RNF213: variants seen among roughly 807,000 people sequenced by gnomAD.
RNF213 encodes E3 ubiquitin-protein ligase RNF213.
A neutral mutation model predicts 514.4 loss-of-function variants in RNF213; 341 were observed. The observed-to-expected ratio is 0.66, with a 90% confidence interval of 0.61 to 0.73. RNF213 has a LOEUF of 0.73. Ranked by LOEUF, RNF213 falls within the 30% of genes least tolerant of loss-of-function variation. The pLI is 0.00. For synonymous variants in RNF213, 2,655 were observed against 2,658.2 expected (o/e 1.00, Z 0.04); for missense variants, 5,767 against 6,615.6 (o/e 0.87, Z 4.45).
chr17:80,280,137 G>C (rs983825545), intron 3 of RNF213, among the ~76,000 whole-genome samples: 2 of 152,224 alleles, frequency 1.3e-5, no homozygotes, highest in African/African-American at 2.4e-5. Flanking sequence ...TGCAGCTCCT[G>C]GGAAATGCAG....
rs368229784 is a variant in RNF213 at position 80,372,712 on chromosome 17, C to G, written c.12729C>G (p.Leu4243=). The part of the protein sequence containing the change: ...RLCLDRAADF[L]SEPEGGPEMA... ...GCCTCGACAGAGCTGCAGATTTCCTCTCGGAGCCTGAGGGAGGCCCAGGCA... is the reference window on the plus strand; with the variant it reads ...GCCTCGACAGAGCTGCAGATTTCCTGTCGGAGCCTGAGGGAGGCCCAGGCA... The change falls in exon 48 of 68, where the codon CTC becomes CTG. Residue 4243 remains leucine (L), a synonymous_variant. Transcript: ENST00000582970. The G allele has an allele frequency of 8.7e-6, 14 of 1,613,602 alleles. No homozygotes were observed. Among genetic ancestry groups the G allele is most frequent in the Non-Finnish European group, 1.2e-5 (14 of 1,180,042 alleles).
At chr17:80,387,209 G>GATCCTCTCAC (rs1568171569) in intron 63 of RNF213, among the ~76,000 whole-genome samples, 1 of 152,222 alleles carries the variant, frequency 6.6e-6, no homozygotes, top group Non-Finnish European at 1.5e-5. Context: ...GGGCTCAAGC[G>GATCCTCTCAC]ATCCTCTCAC....
At chr17:80,329,630 A>G (rs11655596) in intron 20 of RNF213, among the ~76,000 whole-genome samples, 10,747 of 152,148 alleles carry the variant, frequency 0.071, 471 homozygotes, top group Non-Finnish European at 0.1. Flanking sequence ...GGAGTTTGAG[A>G]CCAGCCTGGG....
In RNF213 at chr17:80,340,055, C is replaced by T. The variant is rs758579309; in HGVS notation, c.5688C>T (p.Phe1896=). Residue 1896 remains phenylalanine, a synonymous_variant, in exon 26 of 68, where the codon TTC becomes TTT. Transcript: ENST00000582970. ...GGCACAAGGTCTACAGCCTGCTGTT[C>T]GCAGATCAGCTGAGCTACGAGGTGG... ...SLGHKVYSLL[F]ADQLSYEVAR... is the part of the protein sequence containing the mutation. The T allele has an allele frequency of 2.9e-5, 45 of 1,567,902 alleles. No homozygotes were observed. The African/African-American group carries it at 3.4e-4, about 12-fold the overall frequency.
Position 80,343,457 on chromosome 17 carries a change from A to T in RNF213, c.6183+132A>T. The T allele has an allele frequency of 1.2e-6, 1 of 860,254 alleles. No individual in the cohort carries two copies. Among genetic ancestry groups the T allele is most frequent in the Non-Finnish European group, 1.9e-6 (1 of 529,784 alleles). The allele number at this position is 860,254 out of a possible 1,614,324, so 53.3% of individuals were successfully genotyped here. ...AGTCCTGTGAAGCTTAACAGTGGGA[A>T]TGTGCTCTGAGAAGTGTGTTGTCAG... is the stretch of plus-strand genomic sequence containing the variant. On this transcript the variant is annotated intron_variant, in intron 27 of 67. Transcript: ENST00000582970. This position sits in a 1 kb window ranked among gnomAD's most constrained non-coding sequence, Gnocchi z 4.3.
rs769175266 is a variant in RNF213, at chr17:80,379,687, A to G, written c.13613A>G (p.Lys4538Arg). 3.7e-6 allele frequency: 6 copies of G among 1,614,236 alleles called. No individual in the cohort carries two copies. In the African/African-American group the frequency reaches 5.3e-5, roughly 14 times the overall value. ...CHAPIGGIDH[K>R]PRDGFHLVKD... ...GCGCCGATTGGAGGCATTGACCACAAACCTCGGGACGGCTTTCATCTGGTC... is the reference window on the plus strand; with the variant it reads ...GCGCCGATTGGAGGCATTGACCACAGACCTCGGGACGGCTTTCATCTGGTC... Residue 4538 changes from lysine (K) to arginine (R), a missense_variant, in exon 55 of 68, where the codon AAA becomes AGA. By Grantham distance (26) the Lys-to-Arg change is conservative. This residue lies in a region of RNF213 where 1,245 missense variants were observed against 1,339.0 expected (regional missense o/e 0.93). Transcript: ENST00000582970.
Position 80,361,743 on chromosome 17 carries a change from A to G in RNF213, c.11210A>G (p.Lys3737Arg), listed in dbSNP as rs750551749. 3.2e-5 allele frequency: 52 copies of G among 1,613,744 alleles called. No individual in the cohort carries two copies. The highest frequency in any genetic ancestry group is 4.3e-5 in the Non-Finnish European group (51 of 1,179,770). ...QYITDAEGLP[K>R]KFVDIFQQTP... Reference sequence around the variant, plus strand: ...GGTTTCCTCTCTGCAGGACTGCCCAAGAAGTTCGTGGACATCTTTCAGCAG... The same window carrying G: ...GGTTTCCTCTCTGCAGGACTGCCCAGGAAGTTCGTGGACATCTTTCAGCAG... The change falls in exon 39 of 68, where the codon AAG (lysine) becomes AGG (arginine). Residue 3737 changes from lysine to arginine, a missense_variant. This residue lies in a region of RNF213 where 355 missense variants were observed against 358.0 expected (regional missense o/e 0.99). Coordinates refer to ENST00000582970, the MANE Select transcript of RNF213 (RefSeq NM_001256071.3).
At position 80,332,584 on chromosome 17, in the gene RNF213, C is replaced by G; in HGVS notation, c.4096C>G (p.Leu1366Val). Reference sequence around the variant, plus strand: ...GGTCATCTTGCAGGTCAAAGAGAGCCTGGGACTGAACGGTGACTTCAGTGT... The same window carrying G: ...GGTCATCTTGCAGGTCAAAGAGAGCGTGGGACTGAACGGTGACTTCAGTGT... ...AKVILQVKES[L>V]GLNGDFSVLN... Residue 1366 changes from leucine to valine, a missense_variant, in exon 21 of 68, where the codon CTG becomes GTG. Physicochemically the swap from Leu to Val is conservative, Grantham distance 32 (BLOSUM62 1). Coordinates refer to ENST00000582970, the MANE Select transcript of RNF213 (RefSeq NM_001256071.3). 6.5e-7 allele frequency: 1 copy of G among 1,529,284 alleles called. No homozygotes were observed. Among genetic ancestry groups the G allele is most frequent in the Non-Finnish European group, 8.8e-7 (1 of 1,142,116 alleles). 94.7% of individuals were successfully genotyped at this position (1,529,284 alleles called of 1,614,324 possible).
chr17:80,348,214 C>T lies in RNF213; in HGVS notation c.9879C>T (p.His3293=). ...AGGAGTACTTTCACAGACAGAGGCACAACTCCTTTGCAGATTTCCTTCAGG... is the reference window on the plus strand; with the variant it reads ...AGGAGTACTTTCACAGACAGAGGCATAACTCCTTTGCAGATTTCCTTCAGG... ...LSQEYFHRQR[H]NSFADFLQAH... is the part of the protein sequence containing the mutation. Residue 3293 remains histidine (H), a synonymous_variant, in exon 29 of 68, where the codon CAC becomes CAT. Coordinates refer to ENST00000582970, the MANE Select transcript of RNF213 (RefSeq NM_001256071.3). 1 of 1,614,086 alleles carries T rather than the reference C, an allele frequency of 6.2e-7. No homozygotes were observed. Among genetic ancestry groups the T allele is most frequent in the Non-Finnish European group, 8.5e-7 (1 of 1,180,040 alleles).
At chr17:80,350,094 ACATCCTCCTC>A in intron 30 of RNF213, among the ~76,000 whole-genome samples, 188 bp downstream of exon 30, 1 of 152,246 alleles carries the variant, frequency 6.6e-6, no homozygotes, top group South Asian at 2.1e-4. Flanking sequence ...GTCTGGCCTA[ACATCCTCCTC>A]CGAGAGCACC....
intron 15 of RNF213, chr17:80,315,778 G>GAGA (rs2045910253): frequency 2.5e-5 from 1 of 40,384 alleles, no homozygotes; most frequent in Non-Finnish European, 5.6e-5. Context: ...GCTGGTGGTG[G>GAGA]TGGTGGTGGT....
rs1449067947 is a variant in RNF213 at position 80,290,582 on chromosome 17, G to A, written c.1125G>A (p.Pro375=). The A allele has an allele frequency of 5.6e-6, 9 of 1,613,830 alleles. No homozygotes were observed. The highest frequency in any genetic ancestry group is 5.9e-6 in the Non-Finnish European group (7 of 1,180,050). The change falls in exon 7 of 68, where the codon CCG becomes CCA. Residue 375 remains proline, a synonymous_variant. Coordinates refer to ENST00000582970, the MANE Select transcript of RNF213 (RefSeq NM_001256071.3). ...VQEVKASTLS[P]GGGVTVFFHA... The stretch of plus-strand genomic sequence containing the variant: ...GGTTTTCCACCAGCACGCTGAGCCC[G>A]GGTGGAGGAGTCACCGTGTTCTTCC...
chr17:80,340,416 C>A (rs2078118671), intron 26 of RNF213, 60 bp downstream of exon 26: 2 of 1,491,936 alleles, frequency 1.3e-6, no homozygotes, highest in African/African-American at 2.8e-5. Flanking sequence ...GGGCCCTTCC[C>A]CCCTCCAGCA....
intron 40 of RNF213, 48 bp downstream of exon 40, chr17:80,363,362 A>G (rs773851265): frequency 6.4e-6 from 10 of 1,564,050 alleles, no homozygotes; most frequent in Non-Finnish European, 8.8e-6. Context: ...GGTGCTTCCA[A>G]CTCCACTCTG....
rs1568119066 is a variant in RNF213 at position 80,353,976 on chromosome 17, T to A, written c.10579-43T>A. ...CGGGCGGTTTGGCTTTTGCCCACTG[T>A]GTCAGTGGCAGAAACGGATGACCCA... On this transcript the variant is annotated intron_variant, in intron 34 of 67. Transcript: ENST00000582970. The surrounding 1 kb of genome is among the most constrained non-coding windows in gnomAD (Gnocchi z 5.0). 2 of 1,612,220 alleles carry A rather than the reference T, an allele frequency of 1.2e-6. No homozygotes were observed. The highest frequency in any genetic ancestry group is 1.7e-6 in the Non-Finnish European group (2 of 1,179,140).
At chr17:80,362,294 A>G (rs539664375) in intron 39 of RNF213, among the ~76,000 whole-genome samples, 1 of 152,364 alleles carries the variant, frequency 6.6e-6, no homozygotes, top group South Asian at 2.1e-4. Context: ...TACATAAAAA[A>G]GGAGAGTGAC....
Position 80,336,216 on chromosome 17 carries a change from T to C in RNF213, c.4365T>C (p.Asn1455=), listed in dbSNP as rs1462292967. 8 of 1,537,204 alleles carry C rather than the reference T, an allele frequency of 5.2e-6. No homozygotes were observed. The South Asian group carries it at 9.5e-5, about 18-fold the overall frequency. ...TGGCCTCCATCTCAGCGGGGGAGAA[T>C]GACATTGATGTGGACCGGGTGGCCT... ...VDLASISAGE[N]DIDVDRVACF... is the part of the protein sequence containing the mutation. Residue 1455 remains asparagine, a synonymous_variant, in exon 23 of 68, where the codon AAT becomes AAC. Transcript: ENST00000582970.
At position 80,365,587 on chromosome 17, in the gene RNF213, C is replaced by T. The variant is rs117911468; in HGVS notation, c.11871+1034C>T. Among the ~76,000 whole-genome samples the T allele has an allele frequency of 3.4e-3, 517 of 152,186 alleles. 2 individuals are homozygous for T. Among genetic ancestry groups the T allele is most frequent in the Non-Finnish European group, 3.2e-3 (215 of 68,008 alleles). ...GCACACGCCACACCAGCTCGTGTCT[C>T]GTGGTCCTAAACTTAGGCACTCGGC... On this transcript the variant is annotated intron_variant, in intron 42 of 67. Coordinates refer to ENST00000582970, the MANE Select transcript of RNF213 (RefSeq NM_001256071.3).
intron 57 of RNF213, chr17:80,382,593 G>A: frequency 4.0e-6 from 1 of 247,186 alleles, no homozygotes; most frequent in Non-Finnish European, 8.0e-6. Flanking sequence ...ACAGAATCCT[G>A]GAAGCAGGTG....
Sources: allele counts gnomAD v4.1 joint callset (sites outside exome capture counted in the v4.1 genomes callset), GRCh38; gene constraint gnomAD v4.1.1; regional missense constraint gnomAD v4.1.1; non-coding constraint Gnocchi (gnomAD v3.1); transcripts MANE v1.5; gene names NCBI Gene and HGNC (gene_info 2026-07-23, HGNC 2026-07-21).